MAML3: variants seen among roughly 807,000 people sequenced by gnomAD.
MAML3 encodes the protein mastermind like transcriptional coactivator 3.
Under a neutral mutation model 101.9 loss-of-function variants are expected in MAML3, and 27 were observed. That is an observed-to-expected ratio of 0.27 (90% CI 0.20 to 0.37). The LOEUF is 0.37. Ranked by LOEUF, MAML3 falls within the 10% of genes least tolerant of loss-of-function variation. The pLI is 1.00. For synonymous variants in MAML3, 501 were observed against 555.9 expected, an observed-to-expected ratio of 0.90 and a Z score of 1.39; for missense variants, 1,316 against 1,444.9, an observed-to-expected ratio of 0.91 and a Z score of 1.45.
At chr4:140,049,066 T>C (rs1459596725) in intron 1 of MAML3, among the ~76,000 whole-genome samples, 2 of 152,142 alleles carry the variant, frequency 1.3e-5, no homozygotes, top group Non-Finnish European at 2.9e-5. Context: ...AGTTTGAGCT[T>C]TGTCAACACA....
At chr4:140,030,637 C>T (rs1726892568) in intron 1 of MAML3, among the ~76,000 whole-genome samples, 1 of 152,130 alleles carries the variant, frequency 6.6e-6, no homozygotes, top group African/African-American at 2.4e-5. Context: ...ACTTCTTTCC[C>T]TTCAACTCCC....
intron 2 of MAML3, among the ~76,000 whole-genome samples, chr4:139,887,418 A>G (rs573780955): frequency 6.6e-6 from 1 of 152,364 alleles, no homozygotes; most frequent in East Asian, 1.9e-4. Context: ...GAGGAGGAGC[A>G]CACAGATTTA....
At chr4:140,007,737 G>A (rs991591713) in intron 1 of MAML3, among the ~76,000 whole-genome samples, 11 of 152,214 alleles carry the variant, frequency 7.2e-5, no homozygotes, top group African/African-American at 1.7e-4. Context: ...CAGGGAAAGC[G>A]ACCAGCCTTA....
intron 1 of MAML3, among the ~76,000 whole-genome samples, chr4:140,152,498 G>C (rs1467980028): frequency 6.6e-6 from 1 of 152,072 alleles, no homozygotes; most frequent in Non-Finnish European, 1.5e-5. Context: ...CGAAGAGGAG[G>C]AGCAAGGTTT....
intron 2 of MAML3, among the ~76,000 whole-genome samples, chr4:139,751,160 C>A (rs1299498721): frequency 6.6e-6 from 1 of 152,176 alleles, no homozygotes; most frequent in Non-Finnish European, 1.5e-5. Context: ...TGAAAAATAT[C>A]TCTCCCATGT....
chr4:140,027,596 G>A (rs556544627), intron 1 of MAML3, among the ~76,000 whole-genome samples: 21 of 152,096 alleles, frequency 1.4e-4, no homozygotes, highest in South Asian at 1.0e-3. Context: ...TCTCGTTCGC[G>A]TCTACAAATT....
intron 1 of MAML3, among the ~76,000 whole-genome samples, chr4:140,152,581 T>G (rs764272575): frequency 4.6e-5 from 7 of 151,838 alleles, no homozygotes; most frequent in Non-Finnish European, 1.0e-4. Context: ...AGCACCTCAC[T>G]CCGACGCTCC....
intron 1 of MAML3, among the ~76,000 whole-genome samples, chr4:140,029,437 C>CT (rs1283891496): frequency 6.6e-6 from 1 of 152,164 alleles, no homozygotes; most frequent in Non-Finnish European, 1.5e-5. Context: ...TCCCCTCCTT[C>CT]TTTTTGTATT....
Position 139,941,726 on chromosome 4 carries a change from A to G in MAML3, c.469-50759T>C, listed in dbSNP as rs775507435. On this transcript the variant is annotated intron_variant, in intron 1 of 4. Coordinates refer to ENST00000509479, the MANE Select transcript of MAML3 (RefSeq NM_018717.5). ...TTGATACATGCTAAACCTTGTTAGG[A>G]GCAAGACAGTGATGATCAGCTTTGC... 3.5e-4 allele frequency among the ~76,000 whole-genome samples: 53 copies of G among 152,192 alleles called. 1 individual carries two copies. Among genetic ancestry groups the G allele is most frequent in the South Asian group, 8.3e-4 (4 of 4,830 alleles).
rs114800405 is a variant in MAML3, at chr4:139,743,040, T to G, written c.2080-12373A>C. ...CAAATGCCCACTACCACCCCCTCATTTTTCCCCAAAAGCTTTCTGGGGTAA... is the reference window on the plus strand; with the variant it reads ...CAAATGCCCACTACCACCCCCTCATGTTTCCCCAAAAGCTTTCTGGGGTAA... On this transcript the variant is annotated intron_variant, in intron 2 of 4. Coordinates refer to ENST00000509479, the MANE Select transcript of MAML3 (RefSeq NM_018717.5). 5.3e-3 allele frequency among the ~76,000 whole-genome samples: 801 copies of G among 152,246 alleles called. 5 individuals carry two copies. Among genetic ancestry groups the G allele is most frequent in the African/African-American group, 0.018 (745 of 41,540 alleles).
chr4:139,870,760 G>C (rs1560819881), intron 2 of MAML3, among the ~76,000 whole-genome samples: 1 of 152,122 alleles, frequency 6.6e-6, no homozygotes. Context: ...TTCCACCTCA[G>C]CCTCCTAAGT....
intron 2 of MAML3, among the ~76,000 whole-genome samples, chr4:139,755,413 C>T (rs1490919975): frequency 6.6e-6 from 1 of 152,132 alleles, no homozygotes; most frequent in Non-Finnish European, 1.5e-5. Context: ...TCGAGACCAT[C>T]CTGGCTAATA....
intron 1 of MAML3, among the ~76,000 whole-genome samples, chr4:140,028,481 C>T (rs907136916): frequency 6.6e-6 from 1 of 152,070 alleles, no homozygotes; most frequent in Non-Finnish European, 1.5e-5. Flanking sequence ...TCTCATTATT[C>T]TTCGTGATTC....
In MAML3 at chr4:139,889,533, G is replaced by A; in HGVS notation, c.1903C>T (p.Gln635Ter). 1 of 1,613,810 alleles carries A rather than the reference G, an allele frequency of 6.2e-7. No individual in the cohort carries two copies. Among genetic ancestry groups the A allele is most frequent in the Non-Finnish European group, 8.5e-7 (1 of 1,179,828 alleles). The change falls in exon 2 of 5, where the codon CAG becomes TAG. Residue 635 changes from glutamine (Q) to a stop codon, truncating the protein, a stop_gained. Coordinates refer to ENST00000509479, the MANE Select transcript of MAML3 (RefSeq NM_018717.5). LOFTEE classifies it high-confidence loss of function. ...TGTTGCTGTTGCTGCTGCTGTTGCTGCTGCTGGATATACGGCATCAAGGGG... is the reference window on the plus strand; with the variant it reads ...TGTTGCTGTTGCTGCTGCTGTTGCTACTGCTGGATATACGGCATCAAGGGG... Reference protein sequence around the residue: ...KNPLMPYIQQQQQQQQQQQQQ... With the variant: ...KNPLMPYIQQ
intron 1 of MAML3, among the ~76,000 whole-genome samples, chr4:140,073,141 CTTTT>C: frequency 7.1e-6 from 1 of 141,754 alleles, no homozygotes; most frequent in African/African-American, 2.6e-5. Context: ...TCCATGTTTT[CTTTT>C]TTTTTTTTTT....
At chr4:139,880,595 C>T (rs1317169738) in intron 2 of MAML3, among the ~76,000 whole-genome samples, 1 of 152,110 alleles carries the variant, frequency 6.6e-6, no homozygotes, top group Non-Finnish European at 1.5e-5. Context: ...AAATCTTCTT[C>T]CAAAATAGCA....
intron 2 of MAML3, among the ~76,000 whole-genome samples, chr4:139,847,616 T>C (rs1482595869): frequency 6.6e-6 from 1 of 152,242 alleles, no homozygotes; most frequent in African/African-American, 2.4e-5. Flanking sequence ...ATTGCCCTGG[T>C]GAACAGGATC....
chr4:139,750,640 C>G, intron 2 of MAML3, among the ~76,000 whole-genome samples: 1 of 152,190 alleles, frequency 6.6e-6, no homozygotes, highest in Non-Finnish European at 1.5e-5. Flanking sequence ...AAGAAGTCTA[C>G]CCTCCTGCAG....
At chr4:140,089,914 C>T (rs997347715) in intron 1 of MAML3, among the ~76,000 whole-genome samples, 3 of 152,218 alleles carry the variant, frequency 2.0e-5, no homozygotes, top group Non-Finnish European at 4.4e-5. Flanking sequence ...TGAGCCACCG[C>T]ACCCTACCCT....
Sources: gnomAD v4.1 joint callset for allele counts (sites outside exome capture counted in the v4.1 genomes callset) on GRCh38, gnomAD v4.1.1 for gene constraint, MANE v1.5 for transcripts, NCBI Gene and HGNC (gene_info 2026-07-23, HGNC 2026-07-21) for gene names.